The following TMCC3 variants were observed in gnomAD, a reference collection of about 807,000 sequenced individuals.
The protein encoded by TMCC3 is transmembrane and coiled-coil domain protein 3.
A neutral mutation model predicts 40.2 loss-of-function variants in TMCC3; 28 were observed. That is an observed-to-expected ratio of 0.70 (90% CI 0.52 to 0.95). The LOEUF is 0.95. TMCC3 is among the 40% of genes least tolerant of loss of function. TMCC3 has a pLI of 0.00. For synonymous variants in TMCC3, 255 were observed against 248.5 expected, an observed-to-expected ratio of 1.03 and a Z score of -0.25; for missense variants, 554 against 615.2, an observed-to-expected ratio of 0.90 and a Z score of 1.05.
chr12:94,608,807 A>G (rs1249925883), intron 1 of TMCC3, among the ~76,000 whole-genome samples: 6 of 152,210 alleles, frequency 3.9e-5, no homozygotes, highest in African/African-American at 4.8e-5. Flanking sequence ...ACATGTATGT[A>G]GACGTTACTG....
At chr12:94,613,453 C>T (rs963652813) in intron 1 of TMCC3, among the ~76,000 whole-genome samples, 4 of 151,694 alleles carry the variant, frequency 2.6e-5, no homozygotes, top group African/African-American at 7.3e-5. Flanking sequence ...GGTGACAGAG[C>T]GAGACCCCGT....
chr12:94,643,593 T>C (rs1441317528), intron 1 of TMCC3, among the ~76,000 whole-genome samples: 1 of 152,256 alleles, frequency 6.6e-6, no homozygotes, highest in Non-Finnish European at 1.5e-5. Context: ...TCTCATATCC[T>C]AGGCATTAAA....
chr12:94,600,136 G>T (rs1412576034), intron 1 of TMCC3, among the ~76,000 whole-genome samples: 4 of 151,972 alleles, frequency 2.6e-5, no homozygotes, highest in Non-Finnish European at 5.9e-5. Flanking sequence ...GGGGTTTGGG[G>T]ACTGGGTTAT....
At chr12:94,625,090 C>T (rs1320567712) in intron 1 of TMCC3, among the ~76,000 whole-genome samples, 4 of 144,930 alleles carry the variant, frequency 2.8e-5, no homozygotes, top group South Asian at 2.2e-4. Flanking sequence ...TGCAGTGAGC[C>T]GAGATTGCAC....
intron 1 of TMCC3, among the ~76,000 whole-genome samples, chr12:94,614,695 A>G (rs2068837819): frequency 6.6e-6 from 1 of 151,160 alleles, no homozygotes; most frequent in Non-Finnish European, 1.5e-5. Flanking sequence ...TTACGAGGCT[A>G]TTGCATGATA....
chr12:94,571,718 T>TTA lies in TMCC3; in HGVS notation c.1150_1151insTA (p.Gln384LeufsTer23). The TTA allele has an allele frequency of 6.2e-7, 1 of 1,614,000 alleles. No homozygotes were observed. Among genetic ancestry groups the TTA allele is most frequent in the Non-Finnish European group, 8.5e-7 (1 of 1,179,952 alleles). ...GAGCTCCAGCTTAGAAATGCGAGTC[T>TTA]GGCAGGATTCCAAGGCTTCCTGTGA... On this transcript the variant is annotated frameshift_variant, in exon 4 of 4. Transcript: ENST00000261226. LOFTEE classifies it high-confidence loss of function.
intron 1 of TMCC3, among the ~76,000 whole-genome samples, chr12:94,607,064 C>G (rs2068787849): frequency 6.6e-6 from 1 of 152,164 alleles, no homozygotes; most frequent in Admixed American, 6.5e-5. Context: ...AGACCTCCCC[C>G]CAGGAATGCA....
intron 1 of TMCC3, among the ~76,000 whole-genome samples, chr12:94,582,984 TTTTTTTTTTTA>T (rs1252181887): frequency 0.096 from 2,874 of 29,858 alleles, 84 homozygotes; most frequent in African/African-American, 0.34. Context: ...TTTTTTTTTT[TTTTTTTTTTTA>T]AAAAAGAAAG....
In TMCC3 at chr12:94,571,761, G is replaced by A. The variant is rs114483453; in HGVS notation, c.1132-24C>T. ...TCCTGTGAGCAAGAGGGAGAGCAAGGGTCAAACGGTGTTGGGATGGTGAGC... is the reference window on the plus strand; with the variant it reads ...TCCTGTGAGCAAGAGGGAGAGCAAGAGTCAAACGGTGTTGGGATGGTGAGC... On this transcript the variant is annotated intron_variant, in intron 3 of 3. Transcript: ENST00000261226. 2,454 of 1,610,258 alleles carry A rather than the reference G, an allele frequency of 1.5e-3. 45 individuals carry two copies. The African/African-American group carries it at 0.03, about 20-fold the overall frequency.
At chr12:94,628,009 C>T (rs2068912818) in intron 1 of TMCC3, among the ~76,000 whole-genome samples, 1 of 152,190 alleles carries the variant, frequency 6.6e-6, no homozygotes, top group Non-Finnish European at 1.5e-5. Flanking sequence ...TAAGTACAAT[C>T]CACATCTGTA....
At position 94,571,641 on chromosome 12, in the gene TMCC3, G is replaced by A. The variant is rs770726684; in HGVS notation, c.1228C>T (p.Leu410Phe). Residue 410 changes from leucine (L) to phenylalanine (F), a missense_variant, in exon 4 of 4, where the codon CTC (leucine) becomes TTC (phenylalanine). Transcript: ENST00000261226. The stretch of plus-strand genomic sequence containing the variant: ...ATCACGTTGATGCACCTCCCCAGGA[G>A]AACTTTAGCATTCACGGTGTCTGTC... The part of the protein sequence containing the change: ...LQTDTVNAKV[L>F]LGRCINVILA... 5.0e-6 allele frequency: 8 copies of A among 1,614,214 alleles called. No individual in the cohort carries two copies. The highest frequency in any genetic ancestry group is 1.3e-5 in the African/African-American group (1 of 75,062).
At chr12:94,601,984 A>G (rs930366440) in intron 1 of TMCC3, among the ~76,000 whole-genome samples, 1 of 152,188 alleles carries the variant, frequency 6.6e-6, no homozygotes, top group African/African-American at 2.4e-5. Context: ...CTGCTTTTCC[A>G]TATAAGAATA....
intron 1 of TMCC3, among the ~76,000 whole-genome samples, chr12:94,601,140 C>G (rs915211400): frequency 6.6e-6 from 1 of 152,134 alleles, no homozygotes; most frequent in African/African-American, 2.4e-5. Flanking sequence ...ATTTTCTGGA[C>G]AACTGGATAT....
chr12:94,599,468 G>A (rs1198907562), intron 1 of TMCC3, among the ~76,000 whole-genome samples: 1 of 152,006 alleles, frequency 6.6e-6, no homozygotes, highest in Non-Finnish European at 1.5e-5. Flanking sequence ...GGTGGAAAGT[G>A]GAGAACAGGG....
intron 1 of TMCC3, chr12:94,590,816 G>A (rs1449578906): frequency 8.0e-6 from 4 of 499,344 alleles, no homozygotes; most frequent in Non-Finnish European, 1.6e-5. Context: ...CGCAGGGTCT[G>A]AAACATGGGG....
intron 1 of TMCC3, among the ~76,000 whole-genome samples, chr12:94,624,663 G>A (rs926398848): frequency 6.6e-6 from 1 of 151,258 alleles, no homozygotes. Context: ...GCAGTGAGCC[G>A]AGATCACACC....
chr12:94,574,964 T>C (rs2068555282), intron 3 of TMCC3, among the ~76,000 whole-genome samples: 1 of 152,180 alleles, frequency 6.6e-6, no homozygotes, highest in South Asian at 2.1e-4. Flanking sequence ...AAGGGTGAAT[T>C]CCAAGGAATT....
intron 1 of TMCC3, among the ~76,000 whole-genome samples, chr12:94,585,684 T>TCAAA (rs4019546): frequency 0.66 from 98,784 of 150,026 alleles, 32,607 homozygotes; most frequent in African/African-American, 0.72. Context: ...AGACACCGTC[T>TCAAA]CAAACAAACA....
intron 2 of TMCC3, among the ~76,000 whole-genome samples, chr12:94,579,770 C>T (rs2068589028): frequency 6.6e-6 from 1 of 152,162 alleles, no homozygotes; most frequent in Non-Finnish European, 1.5e-5. Flanking sequence ...CTTTAAAGGT[C>T]TCTTCAGTAA....
Sources: gnomAD v4.1 joint callset for allele counts (sites outside exome capture counted in the v4.1 genomes callset) on GRCh38, gnomAD v4.1.1 for gene constraint, MANE v1.5 for transcripts, NCBI Gene and HGNC (gene_info 2026-07-23, HGNC 2026-07-21) for gene names.